Variants in FRYL observed in about 807,000 individuals in gnomAD.
FRYL encodes FRY like transcription coactivator.
A neutral mutation model predicts 351.2 loss-of-function variants in FRYL; 150 were observed. That is an observed-to-expected ratio of 0.43 (90% CI 0.37 to 0.49). The LOEUF (loss-of-function observed/expected upper bound fraction) is 0.49. Among genes scored for constraint, FRYL ranks in the 20% least tolerant of loss-of-function variants. The probability of loss-of-function intolerance (pLI) is 0.00; values close to 1 mark genes in which losing one functional copy is unlikely to be tolerated. For synonymous variants in FRYL, 1,153 were observed against 1,257.1 expected (o/e 0.92, Z 1.75); for missense variants, 3,036 against 3,619.3 (o/e 0.84, Z 4.13).
At position 48,510,912 on chromosome 4, in the gene FRYL, C is replaced by T. The variant is rs1004962538; in HGVS notation, c.8218G>A (p.Gly2740Ser). 6.2e-7 allele frequency: 1 copy of T among 1,611,450 alleles called. No individual in the cohort carries two copies. The highest frequency in any genetic ancestry group is 1.3e-5 in the African/African-American group (1 of 74,812). ...TCCAAGGAACTTTTAAATTTGGTAC[C>T]AATGCGTTGCAGACTATCACCAAGA... Reference protein sequence around the residue: ...SFLGDSLQRIGTKFKSSLEVM... With the variant: ...SFLGDSLQRISTKFKSSLEVM... Residue 2740 changes from glycine (G) to serine (S), a missense_variant, in exon 58 of 64, where the codon GGT becomes AGT. By Grantham distance (56) the Gly-to-Ser change is moderately conservative (BLOSUM62 0). This residue lies in a region of FRYL where 1,987 missense variants were observed against 2,311.7 expected (regional missense o/e 0.86). Coordinates refer to ENST00000358350, the MANE Select transcript of FRYL (RefSeq NM_015030.2).
intron 3 of FRYL, among the ~76,000 whole-genome samples, chr4:48,656,473 T>C (rs1259442439): frequency 7.5e-6 from 1 of 133,638 alleles, no homozygotes; most frequent in Admixed American, 8.4e-5. Flanking sequence ...ACATATAATG[T>C]ATATAGTAAT....
chr4:48,710,264 A>C (rs1048824112), intron 2 of FRYL, among the ~76,000 whole-genome samples: 14 of 152,232 alleles, frequency 9.2e-5, no homozygotes, highest in African/African-American at 2.7e-4. Flanking sequence ...CAGCCTTACA[A>C]TAAGGGACTA....
chr4:48,737,304 GT>G (rs1168688868), intron 1 of FRYL, among the ~76,000 whole-genome samples: 1 of 147,674 alleles, frequency 6.8e-6, no homozygotes, highest in African/African-American at 2.5e-5. Flanking sequence ...ACAACCAATA[GT>G]ACAGATTCCA....
intron 4 of FRYL, among the ~76,000 whole-genome samples, chr4:48,632,102 A>ATATATATATATG (rs1553957601): frequency 0.01 from 384 of 36,608 alleles, 8 homozygotes; most frequent in East Asian, 0.031. Context: ...ATATATATAT[A>ATATATATATATG]TATATATATA....
chr4:48,557,324 A>AT, intron 34 of FRYL, 129 bp downstream of exon 34: 1 of 1,298,512 alleles, frequency 7.7e-7, no homozygotes, highest in African/African-American at 1.5e-5. Context: ...TTCATATCTA[A>AT]TGAGTCTTTT....
intron 3 of FRYL, among the ~76,000 whole-genome samples, chr4:48,684,336 T>C (rs1324623230): frequency 6.6e-6 from 1 of 152,218 alleles, no homozygotes; most frequent in Non-Finnish European, 1.5e-5. Context: ...TTCAATTTCC[T>C]ATGCTTCATC....
chr4:48,634,621 C>T (rs1753871848), intron 3 of FRYL, 131 bp from the exon 4 acceptor site: 1 of 573,060 alleles, frequency 1.7e-6, no homozygotes, highest in Non-Finnish European at 3.0e-6. Context: ...TACCATAATC[C>T]ATTTTGTCTA....
intron 13 of FRYL, among the ~76,000 whole-genome samples, chr4:48,600,401 C>T (rs1745467246): frequency 6.6e-6 from 1 of 152,090 alleles, no homozygotes; most frequent in South Asian, 2.1e-4. Flanking sequence ...ATGGCCAAGA[C>T]AATTATATTC....
At chr4:48,746,389 C>T (rs1480579560) in intron 1 of FRYL, among the ~76,000 whole-genome samples, 1 of 151,700 alleles carries the variant, frequency 6.6e-6, no homozygotes, top group Non-Finnish European at 1.5e-5. Flanking sequence ...ACTAAAAATA[C>T]AAAAAATTAG....
In FRYL at chr4:48,579,152, A is replaced by C. The variant is rs1305151399; in HGVS notation, c.2349T>G (p.Ile783Met). ...CAAATATCCATATATGTGATGGACT[A>C]ATCACATCAAACTGGTGGCTAATAG... ...SSPISHQFDV[I>M]SPSHIWIFAH... is the part of the protein sequence containing the mutation. The change falls in exon 23 of 64, where the codon ATT (isoleucine) becomes ATG (methionine). Residue 783 changes from isoleucine (I) to methionine (M), a missense_variant. By Grantham distance (10) the Ile-to-Met change is conservative. Coordinates refer to ENST00000358350, the MANE Select transcript of FRYL (RefSeq NM_015030.2). The C allele has an allele frequency of 1.2e-6, 2 of 1,610,974 alleles. No individual in the cohort carries two copies. The highest frequency in any genetic ancestry group is 1.3e-5 in the African/African-American group (1 of 74,978).
intron 1 of FRYL, among the ~76,000 whole-genome samples, chr4:48,766,399 T>G (rs1448725359): frequency 6.6e-6 from 1 of 152,172 alleles, no homozygotes; most frequent in East Asian, 1.9e-4. Flanking sequence ...GCCCCAGGAA[T>G]CAGTGACTTT....
At chr4:48,761,054 A>C (rs1774375066) in intron 1 of FRYL, among the ~76,000 whole-genome samples, 1 of 132,854 alleles carries the variant, frequency 7.5e-6, no homozygotes, top group African/African-American at 2.8e-5. Context: ...TGTGTGTTGA[A>C]GAGGAAATAT....
intron 1 of FRYL, among the ~76,000 whole-genome samples, chr4:48,757,668 A>C (rs1332670908): frequency 6.6e-6 from 1 of 152,248 alleles, no homozygotes; most frequent in Non-Finnish European, 1.5e-5. Context: ...ATACTGCCCA[A>C]GGTAATTTAT....
Position 48,575,123 on chromosome 4 carries a change from G to GCTC in FRYL, c.2837_2839dup (p.Gly946dup). On this transcript the variant is annotated inframe_insertion, in exon 25 of 64. Transcript: ENST00000358350. ...AATGTACGAACATAGTTACCTAAAA[G>GCTC]CTCCTGGGTTGGTCCTGCCAAGACC... The GCTC allele has an allele frequency of 6.2e-7, 1 of 1,613,194 alleles. No individual in the cohort carries two copies. The highest frequency in any genetic ancestry group is 1.7e-5 in the Admixed American group (1 of 59,978).
intron 1 of FRYL, among the ~76,000 whole-genome samples, chr4:48,756,976 A>T (rs1298885238): frequency 6.6e-6 from 1 of 152,182 alleles, no homozygotes; most frequent in African/African-American, 2.4e-5. Flanking sequence ...GATACCTCCG[A>T]AGACATTTAA....
Position 48,576,157 on chromosome 4 carries a change from C to T in FRYL, c.2594G>A (p.Arg865Lys), listed in dbSNP as rs766208387. 4 of 1,613,746 alleles carry T rather than the reference C, an allele frequency of 2.5e-6. No individual in the cohort carries two copies. The Admixed American group carries it at 6.7e-5, about 27-fold the overall frequency. Residue 865 changes from arginine to lysine, a missense_variant, in exon 24 of 64, where the codon AGA (arginine) becomes AAA (lysine). This residue lies in a region of FRYL where 492 missense variants were observed against 551.5 expected (regional missense o/e 0.89). Transcript: ENST00000358350. Reference protein sequence around the residue: ...TSSDSYIGLWRNYLILCCSAA... With the variant: ...TSSDSYIGLWKNYLILCCSAA... ...ACTGCAGCAAAGGATCAGATAGTTT[C>T]TCCACAGGCCAATGTATGAGTCACT... is the stretch of plus-strand genomic sequence containing the variant.
At position 48,590,549 on chromosome 4, in the gene FRYL, C is replaced by A. The variant is rs1226727886; in HGVS notation, c.1507+110G>T. 1.6e-5 allele frequency: 12 copies of A among 767,198 alleles called. No individual in the cohort carries two copies. The African/African-American group carries it at 2.1e-4, about 14-fold the overall frequency. The allele number at this position is 767,198 out of a possible 1,614,324, so 47.5% of individuals were successfully genotyped here. On this transcript the variant is annotated intron_variant, in intron 17 of 63. Transcript: ENST00000358350. Reference sequence around the variant, plus strand: ...TATTCATTTTGTATGGCTGTATATACTAGAAAAACCATATTAGGCAAATTT... The same window carrying A: ...TATTCATTTTGTATGGCTGTATATAATAGAAAAACCATATTAGGCAAATTT...
chr4:48,725,365 G>C (rs1769965720), intron 1 of FRYL, among the ~76,000 whole-genome samples: 2 of 152,188 alleles, frequency 1.3e-5, no homozygotes, highest in African/African-American at 4.8e-5. Context: ...GAGAGAAAGA[G>C]AGAATACAAT....
chr4:48,601,840 T>C (rs1283790309), intron 13 of FRYL, among the ~76,000 whole-genome samples, 180 bp downstream of exon 13: 2 of 152,178 alleles, frequency 1.3e-5, no homozygotes, highest in Non-Finnish European at 1.5e-5. Flanking sequence ...AGTTTACTCA[T>C]ATCTATACAT....
Sources: allele counts gnomAD v4.1 joint callset (sites outside exome capture counted in the v4.1 genomes callset), GRCh38; gene constraint gnomAD v4.1.1; regional missense constraint gnomAD v4.1.1; transcripts MANE v1.5; gene names NCBI Gene and HGNC (gene_info 2026-07-23, HGNC 2026-07-21).